RIMS2: variants seen among roughly 807,000 people sequenced by gnomAD.
RIMS2 encodes the protein regulating synaptic membrane exocytosis protein 2.
A neutral mutation model predicts 174.4 loss-of-function variants in RIMS2; 59 were observed. The observed-to-expected ratio is 0.34, with a 90% CI of 0.27 to 0.42. The LOEUF (loss-of-function observed/expected upper bound fraction) is 0.42. Ranked by LOEUF, RIMS2 falls within the 10% of genes least tolerant of loss-of-function variation. The pLI is 1.00. For missense variants in RIMS2, 1,620 were observed against 1,666.3 expected (o/e 0.97, Z 0.48); for synonymous variants, 606 against 572.5 (o/e 1.06, Z -0.84).
intron 2 of RIMS2, among the ~76,000 whole-genome samples, chr8:103,746,763 C>G (rs534999321): frequency 2.0e-5 from 3 of 152,144 alleles, no homozygotes; most frequent in African/African-American, 7.2e-5. Context: ...TCACTGCAAC[C>G]TCCGCCTCCC....
At chr8:103,839,841 C>A (rs1257778692) in intron 3 of RIMS2, among the ~76,000 whole-genome samples, 1 of 152,162 alleles carries the variant, frequency 6.6e-6, no homozygotes, top group Non-Finnish European at 1.5e-5. Flanking sequence ...AAAGAAGTTT[C>A]TATGAATATG....
At position 103,698,346 on chromosome 8, in the gene RIMS2, C is replaced by T. The variant is rs184019898; in HGVS notation, c.387+1050C>T. On this transcript the variant is annotated intron_variant, in intron 2 of 23. Transcript: ENST00000504942. Reference sequence around the variant, plus strand: ...TAATCTTAGGGAGAAAGCCTTTAGTCTTCACTATTAGGTATAAAGTTAGCT... The same window carrying T: ...TAATCTTAGGGAGAAAGCCTTTAGTTTTCACTATTAGGTATAAAGTTAGCT... Among the ~76,000 whole-genome samples, 135 of 152,226 alleles carry T rather than the reference C, an allele frequency of 8.9e-4. No individual in the cohort carries two copies. In the Middle Eastern group the frequency reaches 0.02, roughly 23 times the overall value.
At chr8:103,995,869 A>G (rs533359176) in intron 17 of RIMS2, among the ~76,000 whole-genome samples, 4 of 152,070 alleles carry the variant, frequency 2.6e-5, no homozygotes, top group African/African-American at 9.6e-5. Flanking sequence ...GAGAAAAGGT[A>G]AAGGAGAGAA....
chr8:103,662,289 A>G (rs111488337), intron 1 of RIMS2, among the ~76,000 whole-genome samples: 1 of 152,194 alleles, frequency 6.6e-6, no homozygotes, highest in Non-Finnish European at 1.5e-5. Context: ...TACAAATCAG[A>G]TCATATCACT....
rs184450568 is a variant in RIMS2 at position 103,895,050 on chromosome 8, G to A, written c.1624+8827G>A. ...TAATTATGCTTATAATTTTTCTGCT[G>A]GACATTTATTTTCTTCAGAATTTAA... is the stretch of plus-strand genomic sequence containing the variant. On this transcript the variant is annotated intron_variant, in intron 4 of 23. Coordinates refer to ENST00000504942, the Ensembl canonical transcript of RIMS2. Among the ~76,000 whole-genome samples, 621 of 151,272 alleles carry A rather than the reference G, an allele frequency of 4.1e-3. 13 individuals are homozygous for A. The highest frequency in any genetic ancestry group is 9.7e-4 in the Non-Finnish European group (66 of 67,912).
At chr8:103,727,277 C>T (rs2097537927) in intron 2 of RIMS2, among the ~76,000 whole-genome samples, 1 of 152,016 alleles carries the variant, frequency 6.6e-6, no homozygotes, top group Admixed American at 6.6e-5. Context: ...CGTTTAATTG[C>T]ATTAGCTAGA....
chr8:104,055,061 A>G (rs2154559362), intron 19 of RIMS2, among the ~76,000 whole-genome samples: 1 of 152,176 alleles, frequency 6.6e-6, no homozygotes, highest in Middle Eastern at 3.4e-3. Context: ...TTTGGGGGGC[A>G]TGATCACATG....
intron 19 of RIMS2, among the ~76,000 whole-genome samples, chr8:104,113,670 G>A (rs2098232882): frequency 6.6e-6 from 1 of 151,406 alleles, no homozygotes; most frequent in Admixed American, 6.6e-5. Flanking sequence ...GTAACTAGTG[G>A]ATTACATACA....
intron 19 of RIMS2, among the ~76,000 whole-genome samples, chr8:104,226,417 CA>C (rs1224471979): frequency 6.6e-6 from 1 of 152,130 alleles, no homozygotes; most frequent in East Asian, 1.9e-4. Context: ...CAAAAAGTGC[CA>C]AGAAGTCTAC....
At chr8:103,729,121 A>C (rs915115259) in intron 2 of RIMS2, among the ~76,000 whole-genome samples, 7 of 151,758 alleles carry the variant, frequency 4.6e-5, no homozygotes, top group Admixed American at 6.6e-5. Flanking sequence ...TCCCTCCTTT[A>C]TTTTTGGGAA....
At chr8:103,609,885 G>C (rs1181366362) in intron 1 of RIMS2, among the ~76,000 whole-genome samples, 2 of 152,176 alleles carry the variant, frequency 1.3e-5, no homozygotes, top group Non-Finnish European at 2.9e-5. Context: ...TTGGTAGTTT[G>C]ATAAGAATAG....
At chr8:103,695,293 G>A (rs1194704369) in intron 1 of RIMS2, among the ~76,000 whole-genome samples, 1 of 152,086 alleles carries the variant, frequency 6.6e-6, no homozygotes, top group African/African-American at 2.4e-5. Flanking sequence ...TTTCTGCTGA[G>A]GGACAAATGT....
intron 20 of RIMS2, among the ~76,000 whole-genome samples, chr8:104,246,834 G>A (rs778436633): frequency 4.6e-5 from 7 of 152,136 alleles, no homozygotes; most frequent in Non-Finnish European, 7.4e-5. Context: ...AGCAGTAAAG[G>A]ATGAGGAATT....
intron 1 of RIMS2, among the ~76,000 whole-genome samples, chr8:103,681,331 TAAAA>T (rs1006132160): frequency 4.6e-5 from 7 of 152,030 alleles, no homozygotes; most frequent in Non-Finnish European, 1.0e-4. Context: ...TATAAAAATG[TAAAA>T]TTGAATGACA....
intron 17 of RIMS2, among the ~76,000 whole-genome samples, chr8:104,006,531 C>G (rs896062069): frequency 1.3e-5 from 2 of 151,844 alleles, no homozygotes; most frequent in Non-Finnish European, 2.9e-5. Context: ...GCCTGGGCAA[C>G]AAGAGCAAAA....
chr8:103,800,674 T>C (rs1002641295), intron 3 of RIMS2, among the ~76,000 whole-genome samples: 1 of 152,198 alleles, frequency 6.6e-6, no homozygotes, highest in Non-Finnish European at 1.5e-5. Context: ...ATTTCTGGGA[T>C]ACTCCTCTTG....
intron 15 of RIMS2, among the ~76,000 whole-genome samples, chr8:103,964,399 T>A (rs1379780379): frequency 6.6e-6 from 1 of 152,190 alleles, no homozygotes; most frequent in Non-Finnish European, 1.5e-5. Flanking sequence ...TTATTTGCAT[T>A]TCCCTGATGA....
At chr8:104,044,519 C>T (rs1460723067) in intron 19 of RIMS2, among the ~76,000 whole-genome samples, 1 of 135,512 alleles carries the variant, frequency 7.4e-6, no homozygotes, top group Non-Finnish European at 1.6e-5. Context: ...ATGGAAGCAA[C>T]TTTTCTTACA....
chr8:103,579,223 A>ACTCT (rs34205035), intron 1 of RIMS2, among the ~76,000 whole-genome samples: 24 of 149,256 alleles, frequency 1.6e-4, no homozygotes, highest in African/African-American at 4.9e-4. Flanking sequence ...GCATAGCAAT[A>ACTCT]CTCTCTCTCT....
Sources: gnomAD v4.1 joint callset for allele counts (sites outside exome capture counted in the v4.1 genomes callset) on GRCh38, gnomAD v4.1.1 for gene constraint, MANE v1.5 for transcripts, NCBI Gene and HGNC (gene_info 2026-07-23, HGNC 2026-07-21) for gene names.